ASCC3: variants seen among roughly 807,000 people sequenced by gnomAD.
ASCC3 encodes ASC-1 complex subunit P200.
A neutral mutation model predicts 256.3 loss-of-function variants in ASCC3; 158 were observed. The observed-to-expected ratio is 0.62, with a 90% CI of 0.54 to 0.70. ASCC3 has a LOEUF of 0.70. ASCC3 is among the 30% of genes least tolerant of loss of function. The pLI, the probability that ASCC3 is intolerant of heterozygous loss-of-function variation, is 0.00. For synonymous variants in ASCC3, 948 were observed against 883.4 expected, an observed-to-expected ratio of 1.07 and a Z score of -1.30; for missense variants, 2,259 against 2,626.0, an observed-to-expected ratio of 0.86 and a Z score of 3.05.
At chr6:100,834,315 T>A (rs1771773884) in intron 4 of ASCC3, among the ~76,000 whole-genome samples, 1 of 152,180 alleles carries the variant, frequency 6.6e-6, no homozygotes, top group Non-Finnish European at 1.5e-5. Context: ...ATTGATAGCA[T>A]AAGGAAACAA....
chr6:100,682,294 CGA>C (rs1211139611), intron 13 of ASCC3, among the ~76,000 whole-genome samples: 1 of 151,998 alleles, frequency 6.6e-6, no homozygotes, highest in African/African-American at 2.4e-5. Flanking sequence ...GCCATGAAAA[CGA>C]GAGACAACGC....
intron 13 of ASCC3, among the ~76,000 whole-genome samples, chr6:100,687,423 G>A (rs1220431397): frequency 1.3e-4 from 19 of 151,932 alleles, no homozygotes; most frequent in Admixed American, 1.1e-3. Flanking sequence ...GTGCAGTGGC[G>A]TGATCTCAGC....
chr6:100,689,347 A>G (rs1211109432), intron 13 of ASCC3, among the ~76,000 whole-genome samples: 1 of 152,226 alleles, frequency 6.6e-6, no homozygotes, highest in Non-Finnish European at 1.5e-5. Flanking sequence ...TAATTGTATT[A>G]GTATTTTACA....
intron 3 of ASCC3, among the ~76,000 whole-genome samples, chr6:100,859,644 A>C (rs1773128125): frequency 6.6e-6 from 1 of 151,960 alleles, no homozygotes; most frequent in Non-Finnish European, 1.5e-5. Flanking sequence ...TAACTCACAA[A>C]CTACAATGGA....
intron 16 of ASCC3, among the ~76,000 whole-genome samples, chr6:100,660,383 C>T (rs1476189558): frequency 4.6e-5 from 7 of 151,516 alleles, no homozygotes; most frequent in Non-Finnish European, 4.4e-5. Context: ...CAGTTCACTG[C>T]CACTATCATT....
rs780402850 is a variant in ASCC3, at chr6:100,606,734, A to C, written c.5044+6T>G. ...TCATGTATTTCTGTGAATTTAAGAA[A>C]ATTACCTGTAATGGGAAAATCCACA... On this transcript the variant is annotated splice_donor_region_variant and intron_variant, in intron 32 of 41. Transcript: ENST00000369162. The C allele has an allele frequency of 5.0e-6, 8 of 1,590,254 alleles. No individual in the cohort carries two copies. Among genetic ancestry groups the C allele is most frequent in the Non-Finnish European group, 6.0e-6 (7 of 1,172,970 alleles).
intron 4 of ASCC3, 153 bp downstream of exon 4, chr6:100,847,995 A>G: frequency 1.5e-6 from 1 of 685,184 alleles, no homozygotes; most frequent in South Asian, 2.3e-5. Context: ...AGGAACGTAT[A>G]TACAGGCCTG....
intron 34 of ASCC3, among the ~76,000 whole-genome samples, chr6:100,601,332 C>A (rs1296002382): frequency 1.3e-5 from 2 of 152,102 alleles, no homozygotes; most frequent in Admixed American, 1.3e-4. Flanking sequence ...ATCTGAAAAA[C>A]AGTAAGTGCT....
chr6:100,599,660 T>A (rs1276446616), intron 34 of ASCC3, among the ~76,000 whole-genome samples: 6 of 151,574 alleles, frequency 4.0e-5, no homozygotes, highest in Non-Finnish European at 7.4e-5. Context: ...AATAGAAAGT[T>A]CAACAATTAA....
chr6:100,622,555 A>G (rs547300784), intron 30 of ASCC3, among the ~76,000 whole-genome samples: 48 of 152,220 alleles, frequency 3.2e-4, no homozygotes, highest in African/African-American at 1.1e-3. Flanking sequence ...TAGCAGTATG[A>G]AAACAGACTA....
intron 3 of ASCC3, among the ~76,000 whole-genome samples, chr6:100,855,543 C>G (rs1756083127): frequency 6.6e-6 from 1 of 152,178 alleles, no homozygotes; most frequent in African/African-American, 2.4e-5. Context: ...TAAAATTTCT[C>G]TTGTAAAATG....
At chr6:100,830,336 C>T (rs1401738342) in intron 4 of ASCC3, among the ~76,000 whole-genome samples, 2 of 151,980 alleles carry the variant, frequency 1.3e-5, no homozygotes, top group Non-Finnish European at 2.9e-5. Context: ...CAAGTAAGCT[C>T]ATTTGTTGTA....
At chr6:100,709,631 T>C (rs1199114290) in intron 13 of ASCC3, among the ~76,000 whole-genome samples, 1 of 152,134 alleles carries the variant, frequency 6.6e-6, no homozygotes, top group African/African-American at 2.4e-5. Context: ...CTTGCAAACA[T>C]TAAAATTGTG....
chr6:100,568,789 A>ATTATTT (rs1184449401), intron 36 of ASCC3, among the ~76,000 whole-genome samples: 3 of 127,202 alleles, frequency 2.4e-5, no homozygotes, highest in African/African-American at 6.1e-5. Context: ...TATTATTATT[A>ATTATTT]TTTTTTGAGA....
chr6:100,536,780 T>A (rs1237338958), intron 37 of ASCC3, among the ~76,000 whole-genome samples: 1 of 152,162 alleles, frequency 6.6e-6, no homozygotes, highest in East Asian at 1.9e-4. Context: ...TTTTAGTTTC[T>A]ACAACCATTC....
At position 100,648,223 on chromosome 6, in the gene ASCC3, T is replaced by G. The variant is rs572638968; in HGVS notation, c.3253-772A>C. 2.0e-5 allele frequency among the ~76,000 whole-genome samples: 3 copies of G among 152,078 alleles called. No homozygotes were observed. In the East Asian group the frequency reaches 5.8e-4, roughly 29 times the overall value. On this transcript the variant is annotated intron_variant, in intron 20 of 41. Coordinates refer to ENST00000369162, the MANE Select transcript of ASCC3 (RefSeq NM_006828.4). ...TTAATAGACATATAGAAAGTTATAA[T>G]GAATGTAGTCTTTTTCTTCACATTT... is the stretch of plus-strand genomic sequence containing the variant.
chr6:100,828,102 A>AAAC (rs759121482), intron 4 of ASCC3, among the ~76,000 whole-genome samples: 2 of 151,188 alleles, frequency 1.3e-5, no homozygotes, highest in Non-Finnish European at 2.9e-5. Flanking sequence ...TAAAAAAAAA[A>AAAC]AAAAAACGAA....
rs757402564 is a variant in ASCC3, at chr6:100,848,472, A to T, written c.477T>A (p.Asp159Glu). The part of the protein sequence containing the change: ...LVQMTEKEHG[D>E]RVFFGKNLAF... ...CTAAATTTTTACCAAAAAAAACCCT[A>T]TCGCCATGTTCTTTTTCTGTCATCT... The change falls in exon 4 of 42, where the codon GAT (aspartate) becomes GAA (glutamate). Residue 159 changes from aspartate to glutamate, a missense_variant. Coordinates refer to ENST00000369162, the MANE Select transcript of ASCC3 (RefSeq NM_006828.4). 31 of 1,612,660 alleles carry T rather than the reference A, an allele frequency of 1.9e-5. No individual in the cohort carries two copies. Among genetic ancestry groups the T allele is most frequent in the Non-Finnish European group, 2.6e-5 (31 of 1,179,236 alleles).
intron 30 of ASCC3, among the ~76,000 whole-genome samples, chr6:100,624,362 A>C (rs1774124502): frequency 6.6e-6 from 1 of 151,796 alleles, no homozygotes; most frequent in South Asian, 2.1e-4. Context: ...AACAAATAAA[A>C]AAGAAGACAA....
Sources: allele counts gnomAD v4.1 joint callset (sites outside exome capture counted in the v4.1 genomes callset), GRCh38; gene constraint gnomAD v4.1.1; transcripts MANE v1.5; gene names NCBI Gene and HGNC (gene_info 2026-07-23, HGNC 2026-07-21).